SENP6: variants seen among roughly 807,000 people sequenced by gnomAD.
SENP6 encodes the protein sentrin-specific protease 6.
In SENP6, 41 loss-of-function variants were observed where a neutral mutation model predicts 134.5. That is an observed-to-expected ratio of 0.30 (90% confidence interval 0.24 to 0.40). SENP6 has a LOEUF of 0.40. SENP6 is among the 10% of genes least tolerant of loss of function. The pLI, the probability that SENP6 is intolerant of heterozygous loss-of-function variation, is 1.00. For synonymous variants in SENP6, 395 were observed against 429.8 expected, an observed-to-expected ratio of 0.92 and a Z score of 1.00; for missense variants, 1,248 against 1,312.5, an observed-to-expected ratio of 0.95 and a Z score of 0.76.
At chr6:75,637,889 G>A (rs761630505) in intron 5 of SENP6, among the ~76,000 whole-genome samples, 6 of 151,876 alleles carry the variant, frequency 4.0e-5, no homozygotes, top group Non-Finnish European at 7.4e-5. Context: ...ACTGAGTCTC[G>A]CTCTTCTACT....
chr6:75,677,458 C>A (rs1773168725), intron 14 of SENP6: 1 of 441,288 alleles, frequency 2.3e-6, no homozygotes, highest in Non-Finnish European at 4.0e-6. Flanking sequence ...ATACAGGTCT[C>A]AGAAGCATTT....
chr6:75,645,835 T>C (rs1480103847), intron 6 of SENP6, among the ~76,000 whole-genome samples: 3 of 152,178 alleles, frequency 2.0e-5, no homozygotes, highest in East Asian at 1.9e-4. Context: ...GGAAAAAATA[T>C]AGCAAATATT....
At chr6:75,618,787 C>G (rs930115182) in intron 1 of SENP6, among the ~76,000 whole-genome samples, 5 of 152,280 alleles carry the variant, frequency 3.3e-5, no homozygotes, top group African/African-American at 1.2e-4. Flanking sequence ...TTATTTGTAA[C>G]TTCTTTATTT....
At chr6:75,612,637 G>A (rs148978860) in intron 1 of SENP6, among the ~76,000 whole-genome samples, 48 of 152,242 alleles carry the variant, frequency 3.2e-4, no homozygotes, top group South Asian at 1.7e-3. Context: ...CCCATGAGAC[G>A]TAGAAATTAA....
chr6:75,655,884 C>T (rs1001833000), intron 7 of SENP6, among the ~76,000 whole-genome samples: 1 of 151,996 alleles, frequency 6.6e-6, no homozygotes, highest in Non-Finnish European at 1.5e-5. Flanking sequence ...CATAGTCTCC[C>T]CTTTTGTGCA....
chr6:75,620,315 C>T (rs976741471), intron 1 of SENP6, among the ~76,000 whole-genome samples: 2 of 152,046 alleles, frequency 1.3e-5, no homozygotes, highest in Non-Finnish European at 2.9e-5. Flanking sequence ...TTAGTTCATT[C>T]GGGCTGCTGT....
At chr6:75,685,378 T>C (rs1209395994) in intron 16 of SENP6, among the ~76,000 whole-genome samples, 1 of 152,154 alleles carries the variant, frequency 6.6e-6, no homozygotes, top group Non-Finnish European at 1.5e-5. Flanking sequence ...TTTGTCTCTA[T>C]CTCCTTCAGT....
At chr6:75,704,701 G>C (rs533700388) in intron 19 of SENP6, among the ~76,000 whole-genome samples, 8 of 152,266 alleles carry the variant, frequency 5.3e-5, no homozygotes, top group African/African-American at 1.9e-4. Context: ...CCCGTCCCAC[G>C]AGGCCATATT....
In SENP6 at chr6:75,672,609, G is replaced by A. The variant is rs563832595; in HGVS notation, c.1392+1889G>A. ...TGGATCTGTATCTTCTTCAGATGGC[G>A]TAAATAAAAAGATGATTTGATATTT... On this transcript the variant is annotated intron_variant, in intron 11 of 23. Coordinates refer to ENST00000447266, the MANE Select transcript of SENP6 (RefSeq NM_015571.4). Among the ~76,000 whole-genome samples the A allele has an allele frequency of 2.4e-4, 36 of 152,168 alleles. 1 individual carries two copies. The highest frequency in any genetic ancestry group is 4.1e-4 in the Non-Finnish European group (28 of 67,974).
intron 7 of SENP6, among the ~76,000 whole-genome samples, chr6:75,649,728 A>C (rs1215385669): frequency 6.6e-6 from 1 of 152,012 alleles, no homozygotes; most frequent in African/African-American, 2.4e-5. Flanking sequence ...TGTTGGCCAG[A>C]CTGGTCTCAA....
chr6:75,653,778 T>G (rs1200542021), intron 7 of SENP6, among the ~76,000 whole-genome samples: 1 of 152,178 alleles, frequency 6.6e-6, no homozygotes, highest in African/African-American at 2.4e-5. Flanking sequence ...AATGACAGTG[T>G]CTGTTCTTGG....
intron 16 of SENP6, among the ~76,000 whole-genome samples, chr6:75,684,303 A>G (rs994939612): frequency 6.6e-6 from 1 of 152,202 alleles, no homozygotes; most frequent in Non-Finnish European, 1.5e-5. Context: ...TTGGGCTGAG[A>G]TGATGGGGTT....
intron 16 of SENP6, among the ~76,000 whole-genome samples, chr6:75,685,660 G>T (rs1375545940): frequency 1.3e-5 from 2 of 151,974 alleles, no homozygotes; most frequent in Admixed American, 6.6e-5. Context: ...TTATTTACCC[G>T]TCATTCAGGA....
intron 23 of SENP6, 79 bp downstream of exon 23, chr6:75,713,904 A>T: frequency 9.2e-7 from 1 of 1,086,596 alleles, no homozygotes; most frequent in Non-Finnish European, 1.3e-6. Flanking sequence ...AAAACACAAT[A>T]AGCAAATATT....
chr6:75,678,219 T>A, intron 14 of SENP6: 1 of 191,298 alleles, frequency 5.2e-6, no homozygotes, highest in Non-Finnish European at 1.0e-5. Flanking sequence ...CCTCTGCCCC[T>A]ACATCTTATA....
chr6:75,639,769 G>A (rs1204313073), intron 5 of SENP6, among the ~76,000 whole-genome samples: 8 of 152,014 alleles, frequency 5.3e-5, no homozygotes, highest in Admixed American at 2.6e-4. Context: ...TTTTCCTTGT[G>A]TCCCAAATCA....
chr6:75,633,856 G>C, intron 4 of SENP6, 130 bp downstream of exon 4: 7 of 608,686 alleles, frequency 1.2e-5, no homozygotes, highest in Non-Finnish European at 1.8e-5. Flanking sequence ...GAGGTAGCAT[G>C]GTCCCAGTAT....
In SENP6 at chr6:75,702,804, A is replaced by G; in HGVS notation, c.2448A>G (p.Gln816=). The stretch of plus-strand genomic sequence containing the variant: ...CCAGTGAAATGGAGAGTTGTTCACA[A>G]AACTCTTCTGCCAAGCCTGTAATTA... ...SSASEMESCS[Q]NSSAKPVIKK... The change falls in exon 19 of 24, where the codon CAA becomes CAG. Residue 816 remains glutamine, a synonymous_variant. Coordinates refer to ENST00000447266, the MANE Select transcript of SENP6 (RefSeq NM_015571.4). The G allele has an allele frequency of 6.2e-7, 1 of 1,614,156 alleles. No individual in the cohort carries two copies. The highest frequency in any genetic ancestry group is 1.1e-5 in the South Asian group (1 of 91,078).
chr6:75,602,667 G>T, intron 1 of SENP6, 91 bp downstream of exon 1: 3 of 1,334,570 alleles, frequency 2.2e-6, no homozygotes, highest in Non-Finnish European at 3.1e-6. Flanking sequence ...ATCTGCGCTG[G>T]GTGGGTTTCG....
Sources: gnomAD v4.1 joint callset for allele counts (sites outside exome capture counted in the v4.1 genomes callset) on GRCh38, gnomAD v4.1.1 for gene constraint, MANE v1.5 for transcripts, NCBI Gene and HGNC (gene_info 2026-07-23, HGNC 2026-07-21) for gene names.